The following ATAD2B variants were observed in gnomAD, a reference collection of about 807,000 sequenced individuals.
ATAD2B encodes ATPase family AAA domain containing 2B.
A neutral mutation model predicts 167.6 loss-of-function variants in ATAD2B; 40 were observed. That is an observed-to-expected ratio of 0.24 (90% CI 0.19 to 0.31). ATAD2B has a LOEUF of 0.31. Ranked by LOEUF, ATAD2B falls within the 10% of genes least tolerant of loss-of-function variation. ATAD2B has a pLI of 1.00. For synonymous variants in ATAD2B, 579 were observed against 596.5 expected (o/e 0.97, Z 0.43); for missense variants, 1,242 against 1,757.2 (o/e 0.71, Z 5.24).
intron 1 of ATAD2B, among the ~76,000 whole-genome samples, chr2:23,899,974 G>C (rs999411515): frequency 6.9e-6 from 1 of 144,628 alleles, no homozygotes; most frequent in Non-Finnish European, 1.5e-5. Context: ...CCCAGGCTGG[G>C]GTACAGTGGT....
the ATAD2B span, chr2:23,695,568 G>C: frequency 1.6e-6 from 2 of 1,252,524 alleles, no homozygotes; most frequent in Non-Finnish European, 2.2e-6. This position sits in a 1 kb window ranked among gnomAD's most constrained non-coding sequence, Gnocchi z 7.6. Context: ...CTTTCCGTCC[G>C]GGAGGTGGCT....
intron 1 of ATAD2B, among the ~76,000 whole-genome samples, chr2:23,909,265 C>G (rs1189788928): frequency 6.6e-6 from 1 of 151,786 alleles, no homozygotes; most frequent in African/African-American, 2.4e-5. Context: ...TTGGGAGACC[C>G]AAAGCATGGT....
the ATAD2B span, among the ~76,000 whole-genome samples, chr2:23,712,975 C>T: frequency 4.4e-4 from 67 of 152,312 alleles, 1 homozygote; most frequent in Admixed American, 2.9e-3. Flanking sequence ...CCCTGATGTG[C>T]AGCACCAGCC....
chr2:23,825,787 A>C (rs563740945), intron 15 of ATAD2B, among the ~76,000 whole-genome samples: 1 of 18,600 alleles, frequency 5.4e-5, no homozygotes, highest in East Asian at 0.013. Context: ...TAAAACTCAG[A>C]AACTATTAGG....
rs187541970 is a variant in ATAD2B at position 23,810,676 on chromosome 2, T to C, written c.2268-174A>G. ...ATTAATTATGGTTTTAAAATGTTGG[T>C]ATCTCTGACCATATTAATAACCAAG... On this transcript the variant is annotated intron_variant, in intron 17 of 27. Transcript: ENST00000238789. Among the ~76,000 whole-genome samples the C allele has an allele frequency of 4.9e-4, 75 of 152,320 alleles. 1 individual carries two copies. Among genetic ancestry groups the C allele is most frequent in the Admixed American group, 4.8e-3 (74 of 15,294 alleles).
the ATAD2B span, chr2:23,690,844 T>C: frequency 6.6e-6 from 1 of 152,344 alleles, no homozygotes; most frequent in Non-Finnish European, 1.5e-5. Flanking sequence ...AGACACCAGA[T>C]ATAAACAGAT....
At chr2:23,837,203 C>G (rs141320517) in intron 13 of ATAD2B, among the ~76,000 whole-genome samples, 1 of 152,216 alleles carries the variant, frequency 6.6e-6, no homozygotes, top group Admixed American at 6.5e-5. Context: ...CCCAAGAGTG[C>G]GCACAACCAG....
chr2:23,925,732 A>G (rs2150744158), intron 1 of ATAD2B, among the ~76,000 whole-genome samples: 1 of 152,354 alleles, frequency 6.6e-6, no homozygotes, highest in East Asian at 1.9e-4. Context: ...GCGTCTTTAA[A>G]TGTCATTTTT....
At position 23,878,010 on chromosome 2, in the gene ATAD2B, C is replaced by CAAAAAAAAAAAAAAAAAAAAAAAAAAAAA. The variant is rs1283016862; in HGVS notation, c.902-2107_902-2106insTTTTTTTTTTTTTTTTTTTTTTTTTTTTT. 7.3e-4 allele frequency among the ~76,000 whole-genome samples: 21 copies of CAAAAAAAAAAAAAAAAAAAAAAAAAAAAA among 28,608 alleles called. 6 individuals carry two copies. Among genetic ancestry groups the CAAAAAAAAAAAAAAAAAAAAAAAAAAAAA allele is most frequent in the Non-Finnish European group, 9.1e-4 (14 of 15,384 alleles). 18.8% of individuals were successfully genotyped at this position (28,608 alleles called of 152,430 possible). A position where few individuals can be genotyped will look rare whatever the true frequency, so the allele number is the denominator to read the frequency against. On this transcript the variant is annotated intron_variant, in intron 7 of 27. Coordinates refer to ENST00000238789, the MANE Select transcript of ATAD2B (RefSeq NM_017552.4). ...ACTCCAGCCTGGATGACCCTATCTC[C>CAAAAAAAAAAAAAAAAAAAAAAAAAAAAA]AAAGAAAAAAAAAAAAAAAAAAAAA...
At chr2:23,781,333 A>AAATAAAT (rs1680009638) in intron 22 of ATAD2B, among the ~76,000 whole-genome samples, 1 of 144,474 alleles carries the variant, frequency 6.9e-6, no homozygotes, top group African/African-American at 2.5e-5. Context: ...TGACCACAAA[A>AAATAAAT]AAATAAATAA....
intron 25 of ATAD2B, among the ~76,000 whole-genome samples, chr2:23,757,098 G>C (rs2149306847): frequency 6.6e-6 from 1 of 152,162 alleles, no homozygotes; most frequent in African/African-American, 2.4e-5. Flanking sequence ...AACACCTGTG[G>C]ATTTACTCAG....
In ATAD2B at chr2:23,754,274, T is replaced by C; in HGVS notation, c.4240A>G (p.Asn1414Asp). 6.4e-7 allele frequency: 1 copy of C among 1,566,476 alleles called. No homozygotes were observed. Among genetic ancestry groups the C allele is most frequent in the Non-Finnish European group, 8.7e-7 (1 of 1,155,648 alleles). The stretch of plus-strand genomic sequence containing the variant: ...CTCTCAAGCTGATCAACTGCCAGAT[T>C]GTTGCTTTTATCCACCAACAAATCA... ...LLDLLVDKSNNLAVDQLERLY... is the reference protein window; with the variant it reads ...LLDLLVDKSNDLAVDQLERLY... Residue 1414 changes from asparagine (N) to aspartate (D), a missense_variant, in exon 27 of 28, where the codon AAT becomes GAT. By Grantham distance (23) the Asn-to-Asp change is conservative. Coordinates refer to ENST00000238789, the MANE Select transcript of ATAD2B (RefSeq NM_017552.4).
chr2:23,913,244 T>C (rs535396753), intron 1 of ATAD2B, among the ~76,000 whole-genome samples: 1 of 152,308 alleles, frequency 6.6e-6, no homozygotes, highest in African/African-American at 2.4e-5. Flanking sequence ...CAAACTATGT[T>C]AAGTGAGAGA....
chr2:23,831,379 T>C (rs111285937), intron 14 of ATAD2B, among the ~76,000 whole-genome samples: 3 of 152,232 alleles, frequency 2.0e-5, no homozygotes, highest in African/African-American at 7.2e-5. Context: ...AGATTTACTT[T>C]TATTAATCTT....
At chr2:23,920,377 A>G (rs1703733632) in intron 1 of ATAD2B, among the ~76,000 whole-genome samples, 1 of 152,214 alleles carries the variant, frequency 6.6e-6, no homozygotes, top group African/African-American at 2.4e-5. Flanking sequence ...ATAACTTCTC[A>G]TATGCATACC....
intron 18 of ATAD2B, among the ~76,000 whole-genome samples, chr2:23,807,827 A>AT (rs1558568187): frequency 9.0e-4 from 100 of 110,680 alleles, no homozygotes; most frequent in African/African-American, 2.3e-3. Context: ...AAAAAAAAAA[A>AT]AATATATATA....
intron 19 of ATAD2B, among the ~76,000 whole-genome samples, chr2:23,793,418 TAA>T (rs1027699923): frequency 2.0e-5 from 3 of 152,170 alleles, no homozygotes; most frequent in Non-Finnish European, 4.4e-5. Context: ...CTTCCTCCCT[TAA>T]GAGTCTTTTT....
At chr2:23,880,594 G>A in intron 7 of ATAD2B, 45 bp downstream of exon 7, 1 of 1,055,142 alleles carries the variant, frequency 9.5e-7, no homozygotes, top group Non-Finnish European at 1.4e-6. Context: ...GGCAGAATAA[G>A]TTACTCAACT....
intron 13 of ATAD2B, among the ~76,000 whole-genome samples, chr2:23,852,682 G>A (rs1692752610): frequency 6.6e-6 from 1 of 152,154 alleles, no homozygotes; most frequent in Non-Finnish European, 1.5e-5. Flanking sequence ...ACTTCGGGAG[G>A]CCGAGGCAGG....
Sources: allele counts gnomAD v4.1 joint callset (sites outside exome capture counted in the v4.1 genomes callset), GRCh38; gene constraint gnomAD v4.1.1; non-coding constraint Gnocchi (gnomAD v3.1); transcripts MANE v1.5; gene names NCBI Gene and HGNC (gene_info 2026-07-23, HGNC 2026-07-21).